The following ASTN2 variants were observed in gnomAD, a reference collection of about 807,000 sequenced individuals.
ASTN2 encodes astrotactin 2.
ASTN2 carries 54 observed loss-of-function variants against 139.8 expected under a neutral mutation model. The observed-to-expected ratio is 0.39, with a 90% CI of 0.31 to 0.48. ASTN2 has a LOEUF of 0.48. Ranked by LOEUF, ASTN2 falls within the 20% of genes least tolerant of loss-of-function variation. ASTN2 has a pLI of 0.95. For synonymous variants in ASTN2, 756 were observed against 719.5 expected (o/e 1.05, Z -0.81); for missense variants, 1,565 against 1,725.1 (o/e 0.91, Z 1.64).
intron 5 of ASTN2, among the ~76,000 whole-genome samples, chr9:117,088,603 TAG>T (rs1828626472): frequency 6.6e-6 from 1 of 152,160 alleles, no homozygotes. Flanking sequence ...CAGTGGTTCT[TAG>T]TTACAGAAAA....
At chr9:117,390,628 A>G (rs989982319) in intron 1 of ASTN2, among the ~76,000 whole-genome samples, 21 of 152,156 alleles carry the variant, frequency 1.4e-4, no homozygotes, top group African/African-American at 5.1e-4. Context: ...TCTTTCACTT[A>G]GCAATATGCT....
At chr9:116,817,148 G>C (rs546522351) in intron 12 of ASTN2, among the ~76,000 whole-genome samples, 2 of 152,036 alleles carry the variant, frequency 1.3e-5, no homozygotes, top group African/African-American at 4.8e-5. Flanking sequence ...CAAAAAATTA[G>C]CTGGGTGTGG....
In ASTN2 at chr9:116,976,718, G is replaced by C; in HGVS notation, c.1659C>G (p.Asp553Glu). The C allele has an allele frequency of 6.2e-7, 1 of 1,614,070 alleles. No individual in the cohort carries two copies. Among genetic ancestry groups the C allele is most frequent in the Non-Finnish European group, 8.5e-7 (1 of 1,179,954 alleles). ...PVHRHLCVRS[D>E]WGQSEGPWPY... ...CCACTCACCCTTCACTCTGTCCCCA[G>C]TCACTGCGCACACACAGGTGTCTGT... is the stretch of plus-strand genomic sequence containing the variant. The change falls in exon 8 of 23, where the codon GAC becomes GAG. Residue 553 changes from aspartate (D) to glutamate (E), a missense_variant. Asp to Glu is a conservative substitution (Grantham distance 45). Coordinates refer to ENST00000313400, the MANE Select transcript of ASTN2 (RefSeq NM_001365068.1).
intron 13 of ASTN2, among the ~76,000 whole-genome samples, chr9:116,778,035 C>T (rs12708292): frequency 6.6e-6 from 1 of 151,610 alleles, no homozygotes; most frequent in Non-Finnish European, 1.5e-5. Flanking sequence ...TTAGTAGAGA[C>T]GGGGTTTCAC....
Position 117,380,176 on chromosome 9 carries a change from A to G in ASTN2, c.442+34321T>C, listed in dbSNP as rs147423585. Among the ~76,000 whole-genome samples, 70 of 152,318 alleles carry G rather than the reference A, an allele frequency of 4.6e-4. 1 individual carries two copies. The East Asian group carries it at 5.4e-3, about 12-fold the overall frequency. ...GCACCGTGCTGGAATCTGAAAATAC[A>G]ATAGAAGGGTTCTACCTTCCTTGAG... On this transcript the variant is annotated intron_variant, in intron 1 of 22. Transcript: ENST00000313400.
chr9:116,933,479 G>C (rs1834969827), intron 10 of ASTN2, among the ~76,000 whole-genome samples: 1 of 152,106 alleles, frequency 6.6e-6, no homozygotes, highest in African/African-American at 2.4e-5. Flanking sequence ...TATGAGAAAG[G>C]CAAGCCAAGA....
At chr9:116,875,889 A>G (rs1833282695) in intron 10 of ASTN2, among the ~76,000 whole-genome samples, 1 of 152,228 alleles carries the variant, frequency 6.6e-6, no homozygotes, top group African/African-American at 2.4e-5. Flanking sequence ...CTGCTCAGAA[A>G]AATGAGCTGT....
intron 6 of ASTN2, among the ~76,000 whole-genome samples, chr9:117,037,180 T>C (rs1253158184): frequency 6.6e-6 from 1 of 152,008 alleles, no homozygotes; most frequent in Non-Finnish European, 1.5e-5. Flanking sequence ...GAGATTCCAG[T>C]CTAGAGGCAG....
At chr9:116,967,414 T>C (rs1372410699) in intron 10 of ASTN2, among the ~76,000 whole-genome samples, 1 of 152,176 alleles carries the variant, frequency 6.6e-6, no homozygotes. Context: ...GGGTTCCCTA[T>C]TGAAGTTCTG....
chr9:117,196,833 A>G (rs557508585), intron 3 of ASTN2, among the ~76,000 whole-genome samples: 1 of 152,192 alleles, frequency 6.6e-6, no homozygotes, highest in South Asian at 2.1e-4. Context: ...AGCACCCACT[A>G]TAATATAAGA....
At chr9:116,875,795 T>A (rs1306847879) in intron 10 of ASTN2, among the ~76,000 whole-genome samples, 1 of 152,210 alleles carries the variant, frequency 6.6e-6, no homozygotes, top group Non-Finnish European at 1.5e-5. Context: ...CTGTGCTCTA[T>A]AAATAGAACA....
chr9:117,314,234 A>G (rs946402166), intron 1 of ASTN2, among the ~76,000 whole-genome samples: 2 of 149,586 alleles, frequency 1.3e-5, no homozygotes, highest in African/African-American at 4.9e-5. Context: ...CCCCACCCCC[A>G]CCATGAATGT....
intron 13 of ASTN2, among the ~76,000 whole-genome samples, chr9:116,766,224 C>A (rs1237883570): frequency 6.6e-6 from 1 of 152,048 alleles, no homozygotes; most frequent in Non-Finnish European, 1.5e-5. Flanking sequence ...AGCCCTCTTA[C>A]CCCCATGGGT....
intron 6 of ASTN2, among the ~76,000 whole-genome samples, chr9:117,018,865 T>C (rs1189962530): frequency 6.6e-6 from 1 of 152,134 alleles, no homozygotes. Flanking sequence ...TAGGTGTTAC[T>C]TTTATTCCCA....
intron 16 of ASTN2, among the ~76,000 whole-genome samples, chr9:116,724,328 A>G (rs1828556354): frequency 1.3e-5 from 2 of 152,180 alleles, no homozygotes; most frequent in South Asian, 4.2e-4. Context: ...CTATTCCCAG[A>G]CAACTCAATT....
intron 17 of ASTN2, among the ~76,000 whole-genome samples, chr9:116,623,459 A>T (rs7031478): frequency 6.6e-6 from 1 of 151,794 alleles, no homozygotes; most frequent in Non-Finnish European, 1.5e-5. Flanking sequence ...ATAAGGCTGC[A>T]GAAGCCAGCA....
intron 2 of ASTN2, among the ~76,000 whole-genome samples, chr9:117,233,684 T>A (rs1452202832): frequency 3.9e-5 from 6 of 152,134 alleles, no homozygotes; most frequent in African/African-American, 1.4e-4. Context: ...AATTTTTTTT[T>A]AAAAAAAAGA....
At chr9:116,769,803 G>T (rs564561056) in intron 13 of ASTN2, among the ~76,000 whole-genome samples, 5 of 152,228 alleles carry the variant, frequency 3.3e-5, no homozygotes, top group African/African-American at 1.2e-4. Flanking sequence ...CCAACACGTT[G>T]CAAGGTCGAG....
chr9:117,028,160 C>T (rs977457319), intron 6 of ASTN2, among the ~76,000 whole-genome samples: 1 of 152,134 alleles, frequency 6.6e-6, no homozygotes, highest in Non-Finnish European at 1.5e-5. Context: ...TGTACAGACT[C>T]ACTGATAAAG....
Sources: allele counts gnomAD v4.1 joint callset (sites outside exome capture counted in the v4.1 genomes callset), GRCh38; gene constraint gnomAD v4.1.1; transcripts MANE v1.5; gene names NCBI Gene and HGNC (gene_info 2026-07-23, HGNC 2026-07-21).